AVIL: variants seen among roughly 807,000 people sequenced by gnomAD.
The protein encoded by AVIL is advillin.
Under a neutral mutation model 109.9 loss-of-function variants are expected in AVIL, and 78 were observed. The observed-to-expected ratio is 0.71, with a 90% confidence interval of 0.59 to 0.86. The LOEUF (loss-of-function observed/expected upper bound fraction) is 0.86, where lower values mean the gene tolerates loss of function less well. AVIL is among the 40% of genes least tolerant of loss of function. The pLI is 0.00. For missense variants in AVIL, 892 were observed against 1,016.5 expected (o/e 0.88, Z 1.67); for synonymous variants, 367 against 379.1 (o/e 0.97, Z 0.37).
At position 57,807,660 on chromosome 12, in the gene AVIL, C is replaced by T. The variant is rs1955971165; in HGVS notation, c.1262G>A (p.Gly421Glu). 6.2e-7 allele frequency: 1 copy of T among 1,614,058 alleles called. No homozygotes were observed. Among genetic ancestry groups the T allele is most frequent in the Admixed American group, 1.7e-5 (1 of 60,012 alleles). The stretch of plus-strand genomic sequence containing the variant: ...TGTGTAGAGGACCAGATAACAGTCT[C>T]CCCCATAAAAGAAGCCATACCATTG... ...EYQWYGFFYGGDCYLVLYTYE... is the reference protein window; with the variant it reads ...EYQWYGFFYGEDCYLVLYTYE... The change falls in exon 12 of 20, where the codon GGA becomes GAA. Residue 421 changes from glycine to glutamate, a missense_variant. Coordinates refer to ENST00000549994, the MANE Select transcript of AVIL (RefSeq NM_006576.4).
rs758098809 is a variant in AVIL at position 57,813,436 on chromosome 12, C to CAG, written c.142-15_142-14dup. On this transcript the variant is annotated splice_polypyrimidine_tract_variant and intron_variant, in intron 3 of 19. Transcript: ENST00000549994. ...CCACTCTCCGGGTCTGGGAGGTAGT[C>CAG]AGAGAGATCAGGTCAGAGGCCAGCT... 1 of 1,611,128 alleles carries CAG rather than the reference C, an allele frequency of 6.2e-7. No individual in the cohort carries two copies. Among genetic ancestry groups the CAG allele is most frequent in the Admixed American group, 1.7e-5 (1 of 59,940 alleles).
chr12:57,811,028 C>T lies in AVIL; in HGVS notation c.438G>A (p.Arg146=). 1 of 1,614,142 alleles carries T rather than the reference C, an allele frequency of 6.2e-7. No homozygotes were observed. Among genetic ancestry groups the T allele is most frequent in the Non-Finnish European group, 8.5e-7 (1 of 1,180,028 alleles). ...AGTGTGCAGGACTAACCTCGGTAGC[C>T]CTGATGTTTCTTTTCCCTTTCACAT... is the stretch of plus-strand genomic sequence containing the variant. ...LLHVKGKRNI[R]ATEVEMSWDS... The change falls in exon 5 of 20, where the codon AGG becomes AGA. Residue 146 remains arginine (R), a synonymous_variant. Coordinates refer to ENST00000549994, the MANE Select transcript of AVIL (RefSeq NM_006576.4).
chr12:57,801,032 TATGGTAATACTAAGGAC>T, intron 18 of AVIL, 95 bp downstream of exon 18: 1 of 810,608 alleles, frequency 1.2e-6, no homozygotes, highest in South Asian at 1.7e-5. Flanking sequence ...AACAGACAAC[TATGGTAATACTAAGGAC>T]ATGAGTTTTG....
At chr12:57,818,563 C>T (rs138848080) in intron 1 of AVIL, 66 bp downstream of exon 1, 2 of 152,350 alleles carry the variant, frequency 1.3e-5, no homozygotes, top group East Asian at 3.9e-4. Context: ...TCAAGCTCCT[C>T]TTCCTTTCAT....
intron 4 of AVIL, among the ~76,000 whole-genome samples, chr12:57,812,998 C>T (rs959894705): frequency 6.6e-5 from 10 of 152,190 alleles, no homozygotes; most frequent in African/African-American, 1.2e-4. Flanking sequence ...CAGGATGCTG[C>T]GCTAGTCCAC....
chr12:57,797,729 GA>G lies in AVIL; in HGVS notation c.*152del. ...TAACAAGCAAGGAATGCAAGGATGA[GA>G]AAAAATGGAGAACATGCCGTGATTT... On this transcript the variant is annotated 3_prime_UTR_variant, in exon 20 of 20. Coordinates refer to ENST00000549994, the MANE Select transcript of AVIL (RefSeq NM_006576.4). 1 of 742,876 alleles carries G rather than the reference GA, an allele frequency of 1.3e-6. No individual in the cohort carries two copies. Among genetic ancestry groups the G allele is most frequent in the Non-Finnish European group, 1.9e-6 (1 of 532,952 alleles). The allele number at this position is 742,876 out of a possible 1,614,324, so 46.0% of individuals were successfully genotyped here.
chr12:57,798,930 T>C (rs1955791139), intron 19 of AVIL, among the ~76,000 whole-genome samples: 1 of 152,204 alleles, frequency 6.6e-6, no homozygotes, highest in Admixed American at 6.5e-5. Flanking sequence ...ATTTATTCTT[T>C]TAACTCAAAT....
chr12:57,806,333 G>A (rs371474877), intron 14 of AVIL, 27 bp downstream of exon 14: 54 of 1,613,340 alleles, frequency 3.3e-5, no homozygotes, highest in Non-Finnish European at 4.5e-5. Flanking sequence ...CGAGGGGCTG[G>A]TCTGACCCGG....
chr12:57,818,251 A>C, intron 1 of AVIL, among the ~76,000 whole-genome samples: 1 of 132,762 alleles, frequency 7.5e-6, no homozygotes, highest in Non-Finnish European at 1.5e-5. Flanking sequence ...CAGGATGGTC[A>C]CAAGTTACAA....
rs374208173 is a variant in AVIL, at chr12:57,807,940, T to C, written c.1195-213A>G. The C allele has an allele frequency of 1.8e-4, 149 of 828,770 alleles. 6 individuals carry two copies. The highest frequency in any genetic ancestry group is 6.6e-4 in the East Asian group (25 of 37,864). The allele number at this position is 828,770 out of a possible 1,614,324, so 51.3% of individuals were successfully genotyped here. A position where few individuals can be genotyped will look rare whatever the true frequency, so the allele number is the denominator to read the frequency against. On this transcript the variant is annotated intron_variant, in intron 11 of 19. Coordinates refer to ENST00000549994, the MANE Select transcript of AVIL (RefSeq NM_006576.4). ...CATCCTGTTCAGGAGCATCCCATCA[T>C]GGCTCGGTCTTTGCAAGGCTGAGCA...
intron 11 of AVIL, 115 bp downstream of exon 11, chr12:57,808,079 G>A (rs371001983): frequency 5.8e-6 from 7 of 1,216,220 alleles, no homozygotes; most frequent in Non-Finnish European, 7.3e-6. Context: ...CTCCTGAGGT[G>A]CCGGAGGGGA....
chr12:57,810,669 G>T, intron 6 of AVIL, 118 bp from the exon 7 acceptor site: 1 of 1,383,846 alleles, frequency 7.2e-7, no homozygotes, highest in Non-Finnish European at 1.0e-6. Context: ...GAGGAGTCCA[G>T]GGTGAGTCAC....
chr12:57,804,257 C>T (rs1417431237), intron 14 of AVIL: 2 of 152,452 alleles, frequency 1.3e-5, no homozygotes, highest in Admixed American at 6.5e-5. Flanking sequence ...TGGCTTCTTT[C>T]TCTTAGCAGA....
intron 9 of AVIL, 25 bp from the exon 10 acceptor site, chr12:57,808,573 G>C: frequency 6.2e-7 from 1 of 1,612,276 alleles, no homozygotes; most frequent in Admixed American, 1.7e-5. Context: ...ATTCCCAAAG[G>C]CAGGTCAGTG....
At chr12:57,808,723 A>G in intron 9 of AVIL, 175 bp from the exon 10 acceptor site, 1 of 708,094 alleles carries the variant, frequency 1.4e-6, no homozygotes, top group Non-Finnish European at 2.3e-6. Flanking sequence ...TAAAAAAAAA[A>G]TGACTGAGTG....
At chr12:57,803,720 G>A (rs772755288) in intron 14 of AVIL, 51 bp from the exon 15 acceptor site, 1 of 1,590,438 alleles carries the variant, frequency 6.3e-7, no homozygotes, top group Non-Finnish European at 8.6e-7. Context: ...GGGGCACTTC[G>A]ATGTGGAAAG....
At chr12:57,817,141 A>G (rs1956109554) in intron 1 of AVIL, among the ~76,000 whole-genome samples, 1 of 152,066 alleles carries the variant, frequency 6.6e-6, no homozygotes, top group African/African-American at 2.4e-5. Context: ...AGGAGCTTGA[A>G]ATCTGATAAC....
At position 57,807,539 on chromosome 12, in the gene AVIL, G is replaced by T. The variant is rs111851822; in HGVS notation, c.1333-50C>A. ...GACCCATGCTCCCCGCCCCAGCCCAGTGGCCAGAGGACACATCAGGATCCA... is the reference window on the plus strand; with the variant it reads ...GACCCATGCTCCCCGCCCCAGCCCATTGGCCAGAGGACACATCAGGATCCA... On this transcript the variant is annotated intron_variant, in intron 12 of 19. Coordinates refer to ENST00000549994, the MANE Select transcript of AVIL (RefSeq NM_006576.4). 10 of 1,614,274 alleles carry T rather than the reference G, an allele frequency of 6.2e-6. No individual in the cohort carries two copies. The East Asian group carries it at 2.0e-4, about 32-fold the overall frequency.
chr12:57,804,009 T>C (rs1018886158), intron 14 of AVIL: 16 of 186,218 alleles, frequency 8.6e-5, no homozygotes, highest in Admixed American at 5.1e-4. Flanking sequence ...AATATACTCT[T>C]TTGACATACA....
Sources: gnomAD v4.1 joint callset for allele counts (sites outside exome capture counted in the v4.1 genomes callset) on GRCh38, gnomAD v4.1.1 for gene constraint, MANE v1.5 for transcripts, NCBI Gene and HGNC (gene_info 2026-07-23, HGNC 2026-07-21) for gene names.